Variants in AGAP1 observed in about 807,000 individuals in gnomAD.
AGAP1 encodes the protein arf-GAP with GTPase, ANK repeat and PH domain-containing protein 1.
Under a neutral mutation model 105.3 loss-of-function variants are expected in AGAP1, and 29 were observed. The observed-to-expected ratio is 0.28, with a 90% CI of 0.21 to 0.38. The LOEUF (loss-of-function observed/expected upper bound fraction) is 0.38. Among genes scored for constraint, AGAP1 ranks in the 10% least tolerant of loss-of-function variants. AGAP1 has a pLI of 1.00. For synonymous variants in AGAP1, 509 were observed against 485.9 expected, an observed-to-expected ratio of 1.05 and a Z score of -0.63; for missense variants, 998 against 1,165.1, an observed-to-expected ratio of 0.86 and a Z score of 2.09.
In AGAP1 at chr2:236,027,819, G is replaced by A. The variant is rs914266206; in HGVS notation, c.1646-8742G>A. ...TGCTACTCACAGGGAAAAGCGTGGC[G>A]TTTAGACCTGCCCTGTGATCACAGG... On this transcript the variant is annotated intron_variant, in intron 13 of 17. Transcript: ENST00000304032. This position sits in a 1 kb window ranked among gnomAD's most constrained non-coding sequence, Gnocchi z 4.4. Among the ~76,000 whole-genome samples, 32 of 152,250 alleles carry A rather than the reference G, an allele frequency of 2.1e-4. No individual in the cohort carries two copies. The highest frequency in any genetic ancestry group is 1.2e-3 in the South Asian group (6 of 4,822).
At position 235,659,318 on chromosome 2, in the gene AGAP1, G is replaced by A. The variant is rs571227556; in HGVS notation, c.164-49861G>A. Among the ~76,000 whole-genome samples the A allele has an allele frequency of 6.3e-4, 96 of 152,308 alleles. No individual in the cohort carries two copies. Among genetic ancestry groups the A allele is most frequent in the South Asian group, 1.7e-3 (8 of 4,820 alleles). ...ACCTACCTCTCTGTGGCACTTTGGG[G>A]GTAGAATGGATGAACTGAATTAACG... On this transcript the variant is annotated intron_variant, in intron 1 of 17. Coordinates refer to ENST00000304032, the MANE Select transcript of AGAP1 (RefSeq NM_001037131.3). This position sits in a 1 kb window ranked among gnomAD's most constrained non-coding sequence, Gnocchi z 5.0.
intron 11 of AGAP1, among the ~76,000 whole-genome samples, chr2:235,910,807 C>T (rs575472576): frequency 1.6e-4 from 24 of 152,112 alleles, no homozygotes; most frequent in Admixed American, 1.6e-3. Flanking sequence ...ATTCCAGCTA[C>T]TCAGGAGGCT....
Position 235,549,718 on chromosome 2 carries a change from A to T in AGAP1, c.163+54869A>T, listed in dbSNP as rs1865945. ...TGATACTTTACGAGCATTCACATGC[A>T]TTTAAGAGTGCTCTTAGCAGTTCGC... On this transcript the variant is annotated intron_variant, in intron 1 of 17. Coordinates refer to ENST00000304032, the MANE Select transcript of AGAP1 (RefSeq NM_001037131.3). The surrounding 1 kb of genome is among the most constrained non-coding windows in gnomAD (Gnocchi z 4.2). Among the ~76,000 whole-genome samples, 4 of 152,262 alleles carry T rather than the reference A, an allele frequency of 2.6e-5. No individual in the cohort carries two copies. The highest frequency in any genetic ancestry group is 9.6e-5 in the African/African-American group (4 of 41,468).
chr2:235,892,127 C>A (rs2124919618), intron 10 of AGAP1, among the ~76,000 whole-genome samples: 1 of 151,764 alleles, frequency 6.6e-6, no homozygotes. Flanking sequence ...GCACTCCAGC[C>A]TCGGCAACAG....
At position 235,983,226 on chromosome 2, in the gene AGAP1, A is replaced by G. The variant is rs1490245022; in HGVS notation, c.1645+14603A>G. Among the ~76,000 whole-genome samples the G allele has an allele frequency of 6.6e-6, 1 of 151,908 alleles. No homozygotes were observed. Among genetic ancestry groups the G allele is most frequent in the Non-Finnish European group, 1.5e-5 (1 of 67,978 alleles). ...AGGGGAGCTGCAGGAGGGTCTCTTT[A>G]CAGGTGTGCAAAGGACCAGCGCTGC... On this transcript the variant is annotated intron_variant, in intron 13 of 17. Coordinates refer to ENST00000304032, the MANE Select transcript of AGAP1 (RefSeq NM_001037131.3). The surrounding 1 kb of genome is among the most constrained non-coding windows in gnomAD (Gnocchi z 4.5).
chr2:235,805,621 G>A (rs932660925), intron 8 of AGAP1, among the ~76,000 whole-genome samples: 5 of 152,166 alleles, frequency 3.3e-5, no homozygotes, highest in African/African-American at 1.2e-4. Flanking sequence ...TCAGGAGCCA[G>A]CTTTTCTCAT....
At chr2:235,533,002 A>G (rs1031348103) in intron 1 of AGAP1, among the ~76,000 whole-genome samples, 1 of 152,206 alleles carries the variant, frequency 6.6e-6, no homozygotes, top group African/African-American at 2.4e-5. Flanking sequence ...AAGGGAAAAA[A>G]AAATCAATCA....
At chr2:235,840,509 T>C (rs1484570883) in intron 9 of AGAP1, among the ~76,000 whole-genome samples, 3 of 152,160 alleles carry the variant, frequency 2.0e-5, no homozygotes, top group Non-Finnish European at 2.9e-5. Flanking sequence ...TCAATACTCG[T>C]GGGTCCGTGT....
intron 13 of AGAP1, among the ~76,000 whole-genome samples, chr2:236,029,183 GTT>G (rs749576640): frequency 6.9e-6 from 1 of 144,342 alleles, no homozygotes. Context: ...TTTTTATTTA[GTT>G]TTTTTTTTTT....
intron 15 of AGAP1, 77 bp from the exon 16 acceptor site, chr2:236,048,982 G>A (rs1315954189): frequency 1.1e-5 from 15 of 1,369,502 alleles, no homozygotes; most frequent in Admixed American, 3.7e-5. Flanking sequence ...CTGATTCGTC[G>A]CCTTGTGTTT....
Position 235,631,627 on chromosome 2 carries a change from G to A in AGAP1, c.164-77552G>A, listed in dbSNP as rs1003985114. Among the ~76,000 whole-genome samples the A allele has an allele frequency of 2.2e-4, 33 of 152,194 alleles. No individual in the cohort carries two copies. Among genetic ancestry groups the A allele is most frequent in the African/African-American group, 6.3e-4 (26 of 41,448 alleles). On this transcript the variant is annotated intron_variant, in intron 1 of 17. Transcript: ENST00000304032. This position sits in a 1 kb window ranked among gnomAD's most constrained non-coding sequence, Gnocchi z 5.4. ...TGCTTCTTCCCTGGGCTTGCTTTCC[G>A]TGTGATTCTGGGCAAGTTGGTTAAC...
chr2:236,106,968 C>T (rs2059512544), intron 16 of AGAP1, among the ~76,000 whole-genome samples: 1 of 152,130 alleles, frequency 6.6e-6, no homozygotes, highest in African/African-American at 2.4e-5. Flanking sequence ...GGAAGCTGGG[C>T]CAAGGCCATC....
At chr2:235,783,752 A>G (rs1303701758) in intron 6 of AGAP1, among the ~76,000 whole-genome samples, 2 of 152,220 alleles carry the variant, frequency 1.3e-5, no homozygotes, top group East Asian at 3.9e-4. Flanking sequence ...GGGGTGGCCC[A>G]GAGGAACTCC....
chr2:236,018,108 A>T (rs1287756790), intron 13 of AGAP1, among the ~76,000 whole-genome samples: 3 of 152,240 alleles, frequency 2.0e-5, no homozygotes, highest in Non-Finnish European at 2.9e-5. Context: ...GATATATATG[A>T]TTGCACTAAT....
chr2:236,014,931 C>CT lies in AGAP1; in HGVS notation c.1646-21629dup, dbSNP rs1214425267. On this transcript the variant is annotated intron_variant, in intron 13 of 17. Coordinates refer to ENST00000304032, the MANE Select transcript of AGAP1 (RefSeq NM_001037131.3). This position sits in a 1 kb window ranked among gnomAD's most constrained non-coding sequence, Gnocchi z 6.3. ...CACACCTCCACCTGCCTCTTCCCCTCTCATCCCCTGCCCGCCCCTTCCTTT... is the reference window on the plus strand; with the variant it reads ...CACACCTCCACCTGCCTCTTCCCCTCTTCATCCCCTGCCCGCCCCTTCCTTT... 1 of 352,574 alleles carries CT rather than the reference C, an allele frequency of 2.8e-6. No individual in the cohort carries two copies. Among genetic ancestry groups the CT allele is most frequent in the Non-Finnish European group, 5.8e-6 (1 of 170,960 alleles). 21.8% of individuals were successfully genotyped at this position (352,574 alleles called of 1,614,324 possible).
intron 6 of AGAP1, among the ~76,000 whole-genome samples, chr2:235,774,883 C>T (rs1461538853): frequency 6.6e-6 from 1 of 152,200 alleles, no homozygotes; most frequent in Non-Finnish European, 1.5e-5. Flanking sequence ...CATTCATTCA[C>T]CTCCTGTGCT....
chr2:235,932,458 A>G (rs1178507351), intron 12 of AGAP1, among the ~76,000 whole-genome samples: 2 of 152,198 alleles, frequency 1.3e-5, no homozygotes, highest in Non-Finnish European at 2.9e-5. Context: ...ATCAATTAGT[A>G]TTACTATTTG....
chr2:235,558,601 A>G (rs545856358), intron 1 of AGAP1, among the ~76,000 whole-genome samples: 3 of 152,266 alleles, frequency 2.0e-5, no homozygotes, highest in East Asian at 3.9e-4. Flanking sequence ...AGGCCAGCCT[A>G]CTTTCCCCCA....
chr2:236,049,516 CCT>C (rs1419880196), intron 16 of AGAP1: 9 of 456,880 alleles, frequency 2.0e-5, no homozygotes, highest in Non-Finnish European at 2.7e-5. Flanking sequence ...TTCTCTCCCC[CCT>C]CTTAGAAATG....
Sources: gnomAD v4.1 joint callset for allele counts (sites outside exome capture counted in the v4.1 genomes callset) on GRCh38, gnomAD v4.1.1 for gene constraint, Gnocchi (gnomAD v3.1) non-coding constraint, MANE v1.5 for transcripts, NCBI Gene and HGNC (gene_info 2026-07-23, HGNC 2026-07-21) for gene names.